Variants in SH3BGRL2 observed in about 807,000 individuals in gnomAD.
The protein encoded by SH3BGRL2 is SH3 domain binding glutamate rich protein like 2, also known as SH3 domain-binding glutamic acid-rich-like protein 2.
In SH3BGRL2, 21 loss-of-function variants were observed where a neutral mutation model predicts 14.8. The observed-to-expected ratio is 1.42, with a 90% CI of 1.01 to 2.05. SH3BGRL2 has a LOEUF of 2.05. SH3BGRL2 is among the 30% of genes most tolerant of loss of function. The pLI, the probability that SH3BGRL2 is intolerant of heterozygous loss-of-function variation, is 0.00. For missense variants in SH3BGRL2, 147 were observed against 130.8 expected (o/e 1.12, Z -0.61); for synonymous variants, 50 against 47.8 (o/e 1.05, Z -0.19).
chr6:79,609,321 T>G, the SH3BGRL2 span, among the ~76,000 whole-genome samples: 1 of 152,178 alleles, frequency 6.6e-6, no homozygotes, highest in Non-Finnish European at 1.5e-5. Context: ...GATCTATGTT[T>G]GACTGTCTAT....
chr6:79,554,580 T>G, the SH3BGRL2 span, among the ~76,000 whole-genome samples: 5 of 152,180 alleles, frequency 3.3e-5, no homozygotes, highest in Admixed American at 1.3e-4. Flanking sequence ...TCCAGTCAAT[T>G]GGAATGTAAG....
At chr6:79,598,177 G>T in the SH3BGRL2 span, among the ~76,000 whole-genome samples, 1 of 152,196 alleles carries the variant, frequency 6.6e-6, no homozygotes, top group African/African-American at 2.4e-5. Flanking sequence ...TTGGAAAATA[G>T]TCTAGCAGTT....
At chr6:79,665,016 A>G (rs185448297) in intron 1 of SH3BGRL2, among the ~76,000 whole-genome samples, 4 of 152,318 alleles carry the variant, frequency 2.6e-5, no homozygotes, top group East Asian at 3.9e-4. Context: ...CCTGACCAAC[A>G]TGGTGAAACC....
intron 1 of SH3BGRL2, among the ~76,000 whole-genome samples, chr6:79,657,838 T>A (rs1343146866): frequency 1.3e-5 from 2 of 152,340 alleles, no homozygotes; most frequent in East Asian, 3.9e-4. Flanking sequence ...TAGCCATTTT[T>A]AAATTATACA....
the SH3BGRL2 span, among the ~76,000 whole-genome samples, chr6:79,585,158 G>A: frequency 6.6e-6 from 1 of 151,706 alleles, no homozygotes; most frequent in Admixed American, 6.6e-5. Context: ...AGTCAGAAGG[G>A]CCACAATGAA....
chr6:79,615,334 T>C, the SH3BGRL2 span, among the ~76,000 whole-genome samples: 4 of 152,312 alleles, frequency 2.6e-5, no homozygotes, highest in South Asian at 2.1e-4. Flanking sequence ...CAGGCTGATA[T>C]TGTTCGAAAA....
At chr6:79,634,415 A>G (rs937271371) in intron 1 of SH3BGRL2, among the ~76,000 whole-genome samples, 4 of 152,216 alleles carry the variant, frequency 2.6e-5, no homozygotes, top group African/African-American at 9.6e-5. Context: ...TTTTGTTCTC[A>G]GTTCTAAGAA....
the SH3BGRL2 span, among the ~76,000 whole-genome samples, chr6:79,579,054 G>T: frequency 6.6e-6 from 1 of 152,184 alleles, no homozygotes; most frequent in Admixed American, 6.5e-5. Flanking sequence ...GGGTATCAGT[G>T]ATGGAAGATC....
intron 1 of SH3BGRL2, among the ~76,000 whole-genome samples, chr6:79,641,626 A>G (rs919971719): frequency 6.6e-6 from 1 of 152,208 alleles, no homozygotes; most frequent in East Asian, 1.9e-4. Context: ...AGCTCTTATG[A>G]GCTTTGAATG....
chr6:79,650,999 C>G (rs1769280047), intron 1 of SH3BGRL2, among the ~76,000 whole-genome samples: 1 of 151,388 alleles, frequency 6.6e-6, no homozygotes, highest in Non-Finnish European at 1.5e-5. Flanking sequence ...TCATCCTGTT[C>G]TTTATTATTT....
chr6:79,668,082 T>C (rs1023127114), intron 1 of SH3BGRL2, among the ~76,000 whole-genome samples: 1 of 152,152 alleles, frequency 6.6e-6, no homozygotes, highest in Non-Finnish European at 1.5e-5. Context: ...TGGTGCAGCA[T>C]CAGCTATGTA....
chr6:79,680,025 A>G (rs1219558350), intron 2 of SH3BGRL2, among the ~76,000 whole-genome samples: 2 of 152,160 alleles, frequency 1.3e-5, no homozygotes, highest in African/African-American at 4.8e-5. Flanking sequence ...CCTCCACTCC[A>G]TAGGTTGCCT....
At chr6:79,641,793 C>T (rs1769038373) in intron 1 of SH3BGRL2, among the ~76,000 whole-genome samples, 1 of 151,986 alleles carries the variant, frequency 6.6e-6, no homozygotes, top group Non-Finnish European at 1.5e-5. Flanking sequence ...TGTGTAAGTT[C>T]CTTAACAGTC....
chr6:79,619,413 T>C, the SH3BGRL2 span, among the ~76,000 whole-genome samples: 1 of 152,240 alleles, frequency 6.6e-6, no homozygotes, highest in Non-Finnish European at 1.5e-5. Context: ...TTATTGTTAC[T>C]GTATACTTCA....
chr6:79,653,028 A>G (rs1769328497), intron 1 of SH3BGRL2, among the ~76,000 whole-genome samples: 2 of 152,176 alleles, frequency 1.3e-5, no homozygotes, highest in Non-Finnish European at 1.5e-5. Flanking sequence ...TAAGAAAAAA[A>G]CAAGACAACT....
Position 79,700,991 on chromosome 6 carries a change from C to A in SH3BGRL2, c.*1482C>A, listed in dbSNP as rs929739222. On this transcript the variant is annotated 3_prime_UTR_variant, in exon 4 of 4. Coordinates refer to ENST00000369838, the MANE Select transcript of SH3BGRL2 (RefSeq NM_031469.4). ...AGAATTACAGCCCTGTCACATGTGC[C>A]CAGCACTCCGCCCCATGCCTTGCTA... 2 of 152,106 alleles carry A rather than the reference C, an allele frequency of 1.3e-5. No homozygotes were observed. Among genetic ancestry groups the A allele is most frequent in the Admixed American group, 1.3e-4 (2 of 15,256 alleles). 9.4% of individuals were successfully genotyped at this position (152,106 alleles called of 1,614,324 possible).
chr6:79,700,785 C>A lies in SH3BGRL2; in HGVS notation c.*1276C>A, dbSNP rs1186977955. ...AGGCTATTTTTCTGCATTCTTGTCC[C>A]TATAACAGGGATGCTTAATTTTTTT... On this transcript the variant is annotated 3_prime_UTR_variant, in exon 4 of 4. Coordinates refer to ENST00000369838, the MANE Select transcript of SH3BGRL2 (RefSeq NM_031469.4). 1 of 152,126 alleles carries A rather than the reference C, an allele frequency of 6.6e-6. No individual in the cohort carries two copies. The highest frequency in any genetic ancestry group is 1.5e-5 in the Non-Finnish European group (1 of 68,034). 9.4% of individuals were successfully genotyped at this position (152,126 alleles called of 1,614,324 possible).
the SH3BGRL2 span, among the ~76,000 whole-genome samples, chr6:79,601,113 C>T: frequency 1.3e-5 from 2 of 152,224 alleles, no homozygotes; most frequent in Non-Finnish European, 2.9e-5. Context: ...GATTAAAACC[C>T]ATGAATCATG....
chr6:79,685,228 C>G (rs184798797), intron 2 of SH3BGRL2, among the ~76,000 whole-genome samples: 229 of 152,312 alleles, frequency 1.5e-3, no homozygotes, highest in Non-Finnish European at 2.8e-3. Flanking sequence ...TGAGGCCTCT[C>G]CAGTTGCATG....
Sources: allele counts gnomAD v4.1 joint callset (sites outside exome capture counted in the v4.1 genomes callset), GRCh38; gene constraint gnomAD v4.1.1; transcripts MANE v1.5; gene names NCBI Gene and HGNC (gene_info 2026-07-23, HGNC 2026-07-21).